CCDC18: variants seen among roughly 807,000 people sequenced by gnomAD.
CCDC18 encodes the protein coiled-coil domain-containing protein 18.
A neutral mutation model predicts 196.0 loss-of-function variants in CCDC18; 157 were observed. That is an observed-to-expected ratio of 0.80 (90% confidence interval 0.70 to 0.91). The LOEUF is 0.91. Among genes scored for constraint, CCDC18 ranks in the 40% least tolerant of loss-of-function variants. CCDC18 has a pLI of 0.00. For missense variants in CCDC18, 1,465 were observed against 1,611.6 expected (o/e 0.91, Z 1.56); for synonymous variants, 482 against 529.2 (o/e 0.91, Z 1.22).
chr1:93,271,624 C>T (rs1448931646), intron 28 of CCDC18: 2 of 860,130 alleles, frequency 2.3e-6, no homozygotes, highest in African/African-American at 1.8e-5. Flanking sequence ...TATTTGAGCC[C>T]AGGAGTTTGA....
intron 3 of CCDC18, 30 bp from the exon 4 acceptor site, chr1:93,186,315 A>C (rs1650668949): frequency 1.3e-6 from 2 of 1,587,172 alleles, no homozygotes; most frequent in Admixed American, 3.5e-5. Context: ...AAATAATTGA[A>C]AATATATTTG....
At chr1:93,276,307 T>A (rs924978307) in intron 28 of CCDC18, among the ~76,000 whole-genome samples, 12 of 152,170 alleles carry the variant, frequency 7.9e-5, no homozygotes, top group African/African-American at 2.9e-4. Context: ...GCTTTCAGAC[T>A]AACAAAAGCT....
intron 24 of CCDC18, among the ~76,000 whole-genome samples, chr1:93,255,244 C>T (rs771379196): frequency 5.3e-5 from 8 of 152,030 alleles, no homozygotes; most frequent in Non-Finnish European, 1.0e-4. Context: ...AGCTACCGTG[C>T]CCGGCCGAAG....
intron 13 of CCDC18, among the ~76,000 whole-genome samples, chr1:93,217,080 G>A (rs1375313503): frequency 6.6e-6 from 1 of 151,400 alleles, no homozygotes; most frequent in Non-Finnish European, 1.5e-5. Context: ...GACTACAGGC[G>A]CCCGCCACCA....
At chr1:93,234,911 G>A (rs1328521470) in intron 18 of CCDC18, among the ~76,000 whole-genome samples, 2 of 146,946 alleles carry the variant, frequency 1.4e-5, no homozygotes, top group African/African-American at 5.1e-5. Flanking sequence ...TGCCTTCCAA[G>A]TGCATACCAC....
At chr1:93,225,302 A>C (rs367576036) in intron 16 of CCDC18, among the ~76,000 whole-genome samples, 7 of 152,222 alleles carry the variant, frequency 4.6e-5, no homozygotes, top group African/African-American at 1.7e-4. Context: ...AACGAAAAGT[A>C]CCAAATTTGA....
chr1:93,202,090 A>G, intron 7 of CCDC18, 102 bp downstream of exon 7: 1 of 558,454 alleles, frequency 1.8e-6, no homozygotes. Flanking sequence ...GACAGAGAGT[A>G]ATTTTTATGA....
At chr1:93,223,825 T>C (rs932985627) in intron 16 of CCDC18, among the ~76,000 whole-genome samples, 2 of 152,134 alleles carry the variant, frequency 1.3e-5, no homozygotes, top group Non-Finnish European at 2.9e-5. Flanking sequence ...TCTGGTTGTC[T>C]CCAGATTGTG....
At chr1:93,239,228 C>A in intron 19 of CCDC18, 82 bp from the exon 20 acceptor site, 1 of 1,044,342 alleles carries the variant, frequency 9.6e-7, no homozygotes, top group Non-Finnish European at 1.3e-6. Context: ...CCTTATATAA[C>A]TTGCAGGCTT....
In CCDC18 at chr1:93,205,667, T is replaced by A; in HGVS notation, c.917+36T>A. On this transcript the variant is annotated intron_variant, in intron 8 of 28. Coordinates refer to ENST00000690025, the MANE Select transcript of CCDC18 (RefSeq NM_001378204.1). ...CTGTTGTAGAAAAAGGATTTTTGTG[T>A]GGACATGGAAAAAACTGAAACACTT... 3 of 1,551,860 alleles carry A rather than the reference T, an allele frequency of 1.9e-6. No individual in the cohort carries two copies. The South Asian group carries it at 3.6e-5, about 19-fold the overall frequency.
At chr1:93,259,087 T>C (rs931036618) in intron 26 of CCDC18, among the ~76,000 whole-genome samples, 1 of 152,186 alleles carries the variant, frequency 6.6e-6, no homozygotes, top group African/African-American at 2.4e-5. Flanking sequence ...AACCTGGTTC[T>C]AAACCCTAGC....
intron 14 of CCDC18, among the ~76,000 whole-genome samples, 199 bp downstream of exon 14, chr1:93,218,068 A>G (rs567750305): frequency 6.6e-6 from 1 of 152,270 alleles, no homozygotes; most frequent in African/African-American, 2.4e-5. Flanking sequence ...AGCTGTAATC[A>G]TTATTTTTGA....
intron 4 of CCDC18, among the ~76,000 whole-genome samples, chr1:93,191,677 A>G (rs1651835657): frequency 6.6e-6 from 1 of 152,206 alleles, no homozygotes; most frequent in Non-Finnish European, 1.5e-5. Context: ...ATAATTGTTT[A>G]TAGTTTGATA....
At chr1:93,228,218 GGT>G (rs893235274) in intron 17 of CCDC18, among the ~76,000 whole-genome samples, 47 of 152,050 alleles carry the variant, frequency 3.1e-4, no homozygotes, top group African/African-American at 1.1e-3. Flanking sequence ...AGGAAAAGAT[GGT>G]GTGATCATAG....
At chr1:93,186,129 C>T (rs1292548392) in intron 3 of CCDC18, among the ~76,000 whole-genome samples, 2 of 151,924 alleles carry the variant, frequency 1.3e-5, no homozygotes, top group Non-Finnish European at 2.9e-5. Context: ...AAGTGCACCA[C>T]TGTTTTCCAG....
chr1:93,222,626 C>CTAA (rs1657628835), intron 16 of CCDC18, among the ~76,000 whole-genome samples: 1 of 152,058 alleles, frequency 6.6e-6, no homozygotes, highest in Non-Finnish European at 1.5e-5. Flanking sequence ...AAGTGCTTAC[C>CTAA]CACTCACTGT....
At chr1:93,225,215 A>G (rs935595678) in intron 16 of CCDC18, among the ~76,000 whole-genome samples, 3 of 152,226 alleles carry the variant, frequency 2.0e-5, no homozygotes, top group African/African-American at 7.2e-5. Context: ...GCTCAAATTT[A>G]CAATAAAGAA....
intron 14 of CCDC18, among the ~76,000 whole-genome samples, chr1:93,220,631 CA>C (rs1238633530): frequency 6.6e-6 from 1 of 151,954 alleles, no homozygotes; most frequent in East Asian, 1.9e-4. Context: ...TTTTTTTCTT[CA>C]GCCGTTAAGT....
chr1:93,270,912 T>A, intron 28 of CCDC18, 98 bp downstream of exon 28: 1 of 1,388,628 alleles, frequency 7.2e-7, no homozygotes, highest in Non-Finnish European at 9.4e-7. Context: ...GAAAAACTAC[T>A]AATATTTGAA....
Sources: allele counts gnomAD v4.1 joint callset (sites outside exome capture counted in the v4.1 genomes callset), GRCh38; gene constraint gnomAD v4.1.1; transcripts MANE v1.5; gene names NCBI Gene and HGNC (gene_info 2026-07-23, HGNC 2026-07-21).